The following CNTN1 variants were observed in gnomAD, a reference collection of about 807,000 sequenced individuals.
CNTN1 encodes the protein contactin-1.
Under a neutral mutation model 126.4 loss-of-function variants are expected in CNTN1, and 38 were observed. The observed-to-expected ratio is 0.30, with a 90% confidence interval of 0.23 to 0.39. CNTN1 has a LOEUF of 0.39. Among genes scored for constraint, CNTN1 ranks in the 10% least tolerant of loss-of-function variants. The pLI, the probability that CNTN1 is intolerant of heterozygous loss-of-function variation, is 1.00. For synonymous variants in CNTN1, 413 were observed against 422.6 expected, an observed-to-expected ratio of 0.98 and a Z score of 0.28; for missense variants, 1,009 against 1,248.4, an observed-to-expected ratio of 0.81 and a Z score of 2.89.
intron 1 of CNTN1, among the ~76,000 whole-genome samples, chr12:40,907,422 CA>C (rs1364362048): frequency 1.3e-5 from 2 of 152,154 alleles, no homozygotes; most frequent in African/African-American, 4.8e-5. Context: ...TTTGAGTCTT[CA>C]TAGCTACATG....
At chr12:40,720,976 T>TA (rs762942012) in intron 1 of CNTN1, among the ~76,000 whole-genome samples, 1 of 150,920 alleles carries the variant, frequency 6.6e-6, no homozygotes, top group Non-Finnish European at 1.5e-5. Context: ...TGTATATATG[T>TA]TATAACATAT....
At chr12:40,754,521 C>G (rs1565688842) in intron 1 of CNTN1, among the ~76,000 whole-genome samples, 1 of 151,470 alleles carries the variant, frequency 6.6e-6, no homozygotes, top group African/African-American at 2.4e-5. Flanking sequence ...TTGAAAAATC[C>G]TTTTTTATCC....
At position 40,929,900 on chromosome 12, in the gene CNTN1, G is replaced by A. The variant is rs1386062018; in HGVS notation, c.601G>A (p.Val201Ile). The change falls in exon 7 of 24, where the codon GTT becomes ATT. Residue 201 changes from valine to isoleucine, a missense_variant. Coordinates refer to ENST00000551295, the MANE Select transcript of CNTN1 (RefSeq NM_001843.4). ...AAATGGCAATCTCTACATTGCAAAT[G>A]TTGAGGCTTCCGACAAAGGCAATTA... ...QTNGNLYIANVEASDKGNYSC... is the reference protein window; with the variant it reads ...QTNGNLYIANIEASDKGNYSC... 6.2e-7 allele frequency: 1 copy of A among 1,612,982 alleles called. No homozygotes were observed. The highest frequency in any genetic ancestry group is 1.7e-5 in the Admixed American group (1 of 59,926).
intron 20 of CNTN1, among the ~76,000 whole-genome samples, chr12:41,021,779 A>T (rs1377123998): frequency 2.0e-5 from 3 of 152,084 alleles, no homozygotes; most frequent in Non-Finnish European, 4.4e-5. Context: ...AATACCCAAT[A>T]TTCATAACTT....
chr12:40,780,758 C>A (rs1476880680), intron 1 of CNTN1, among the ~76,000 whole-genome samples: 1 of 148,566 alleles, frequency 6.7e-6, no homozygotes, highest in African/African-American at 2.5e-5. Flanking sequence ...AAAGAGGAGG[C>A]CTTTAAGGAG....
intron 1 of CNTN1, among the ~76,000 whole-genome samples, chr12:40,753,489 T>C (rs1024349613): frequency 6.6e-6 from 1 of 152,066 alleles, no homozygotes; most frequent in African/African-American, 2.4e-5. Context: ...CTCACAATCA[T>C]GGCGGAAGGG....
chr12:41,019,763 A>AT (rs1006475121), intron 19 of CNTN1, among the ~76,000 whole-genome samples: 100 of 151,924 alleles, frequency 6.6e-4, no homozygotes, highest in African/African-American at 2.4e-3. Context: ...GCTCTTAAAA[A>AT]TTTTTTTTTA....
chr12:40,753,274 C>T (rs1453044307), intron 1 of CNTN1, among the ~76,000 whole-genome samples: 1 of 152,008 alleles, frequency 6.6e-6, no homozygotes, highest in Non-Finnish European at 1.5e-5. Context: ...GAATATACTG[C>T]TATAAAAAAG....
intron 15 of CNTN1, among the ~76,000 whole-genome samples, chr12:40,980,158 T>A (rs539017453): frequency 2.6e-5 from 4 of 152,218 alleles, no homozygotes; most frequent in Admixed American, 2.6e-4. Context: ...TGTGGGCCAG[T>A]GCGGTGGTTC....
chr12:40,852,022 G>A (rs940299282), intron 1 of CNTN1, among the ~76,000 whole-genome samples: 1 of 152,126 alleles, frequency 6.6e-6, no homozygotes, highest in Non-Finnish European at 1.5e-5. Context: ...CAACTGGCTT[G>A]AACTGGACAG....
chr12:41,061,260 T>G (rs2121107059), intron 23 of CNTN1, among the ~76,000 whole-genome samples: 1 of 152,318 alleles, frequency 6.6e-6, no homozygotes, highest in Non-Finnish European at 1.5e-5. Flanking sequence ...GAAGTTGCTT[T>G]TATATTTCCC....
intron 15 of CNTN1, among the ~76,000 whole-genome samples, chr12:40,973,915 A>G (rs903789243): frequency 3.3e-5 from 5 of 152,144 alleles, no homozygotes; most frequent in African/African-American, 1.2e-4. Context: ...TTATCAAAAA[A>G]ATGAATCTTG....
chr12:40,749,993 G>A (rs552235075), intron 1 of CNTN1, among the ~76,000 whole-genome samples: 2 of 152,180 alleles, frequency 1.3e-5, no homozygotes, highest in Admixed American at 1.3e-4. Flanking sequence ...GAGAACTGAA[G>A]TTTGGACCTT....
At chr12:40,773,676 C>CATATATATATATATATACACAT (rs1939453083) in intron 1 of CNTN1, among the ~76,000 whole-genome samples, 1 of 11,480 alleles carries the variant, frequency 8.7e-5, no homozygotes, top group African/African-American at 1.6e-4. Flanking sequence ...TATATATACA[C>CATATATATATATATATACACAT]ATATATATAT....
chr12:40,693,172 C>T lies in CNTN1; in HGVS notation c.-77+580C>T, dbSNP rs185563517. 4.7e-4 allele frequency among the ~76,000 whole-genome samples: 71 copies of T among 152,306 alleles called. No homozygotes were observed. In the East Asian group the frequency reaches 0.014, roughly 29 times the overall value. On this transcript the variant is annotated intron_variant, in intron 1 of 23. Transcript: ENST00000551295. Reference sequence around the variant, plus strand: ...GGGGTGGGGAAGAATCCCTGCAACTCGAAGGGCACGTTCCGATTAATTACG... The same window carrying T: ...GGGGTGGGGAAGAATCCCTGCAACTTGAAGGGCACGTTCCGATTAATTACG...
At chr12:40,830,924 CATATACATATACATATATATAT>C (rs1479801350) in intron 1 of CNTN1, among the ~76,000 whole-genome samples, 1 of 38,210 alleles carries the variant, frequency 2.6e-5, no homozygotes, top group East Asian at 1.3e-3. Context: ...GTGGTAGTTA[CATATACATATACATATATATAT>C]ATATATATAT....
intron 20 of CNTN1, among the ~76,000 whole-genome samples, chr12:41,023,458 T>C (rs1948970499): frequency 6.6e-6 from 1 of 152,232 alleles, no homozygotes; most frequent in South Asian, 2.1e-4. Flanking sequence ...ATAGTGTAGG[T>C]AAGCTAGAAG....
intron 1 of CNTN1, among the ~76,000 whole-genome samples, chr12:40,825,582 G>GT (rs1219085894): frequency 6.6e-6 from 1 of 152,082 alleles, no homozygotes; most frequent in Non-Finnish European, 1.5e-5. Flanking sequence ...TGGAAAGATC[G>GT]TTTAAGTGTT....
rs181380550 is a variant in CNTN1, at chr12:40,965,213, T to A, written c.1804+5979T>A. Among the ~76,000 whole-genome samples, 180 of 152,258 alleles carry A rather than the reference T, an allele frequency of 1.2e-3. 5 individuals are homozygous for A. Among genetic ancestry groups the A allele is most frequent in the Admixed American group, 1.0e-2 (152 of 15,258 alleles). ...ACAATTTTAAATGTAGAACTAATCC[T>A]ATGGGTTATCTAGAAAGTTCCTACC... On this transcript the variant is annotated intron_variant, in intron 15 of 23. Transcript: ENST00000551295.
Sources: gnomAD v4.1 joint callset for allele counts (sites outside exome capture counted in the v4.1 genomes callset) on GRCh38, gnomAD v4.1.1 for gene constraint, MANE v1.5 for transcripts, NCBI Gene and HGNC (gene_info 2026-07-23, HGNC 2026-07-21) for gene names.